Variants in CAMK1D observed in about 807,000 individuals in gnomAD.
CAMK1D encodes calcium/calmodulin-dependent protein kinase type 1D.
CAMK1D carries 9 observed loss-of-function variants against 47.7 expected under a neutral mutation model. That is an observed-to-expected ratio of 0.19 (90% CI 0.11 to 0.33). CAMK1D has a LOEUF of 0.33. Among genes scored for constraint, CAMK1D ranks in the 10% least tolerant of loss-of-function variants. The pLI, the probability that CAMK1D is intolerant of heterozygous loss-of-function variation, is 1.00. For missense variants in CAMK1D, 291 were observed against 488.7 expected (o/e 0.60, Z 3.81); for synonymous variants, 184 against 184.9 (o/e 0.99, Z 0.04).
At chr10:12,356,118 T>C (rs1300826566) in intron 1 of CAMK1D, among the ~76,000 whole-genome samples, 1 of 150,412 alleles carries the variant, frequency 6.6e-6, no homozygotes, top group Admixed American at 6.6e-5. Context: ...GGCGACAGAG[T>C]GAGACTCCGT....
intron 3 of CAMK1D, among the ~76,000 whole-genome samples, chr10:12,672,807 A>T (rs549241531): frequency 6.8e-6 from 1 of 146,764 alleles, no homozygotes; most frequent in South Asian, 2.1e-4. Flanking sequence ...CTCCAACTTT[A>T]GTTTTTTTAT....
intron 1 of CAMK1D, among the ~76,000 whole-genome samples, chr10:12,521,656 C>T (rs764332195): frequency 2.6e-5 from 4 of 152,118 alleles, no homozygotes; most frequent in Non-Finnish European, 4.4e-5. Context: ...TTTCTGTCTG[C>T]TTGTTCTATT....
At chr10:12,442,114 A>G (rs187698302) in intron 1 of CAMK1D, among the ~76,000 whole-genome samples, 1 of 152,234 alleles carries the variant, frequency 6.6e-6, no homozygotes, top group African/African-American at 2.4e-5. Flanking sequence ...ATTCAAATGG[A>G]CCAAAACTCA....
intron 5 of CAMK1D, among the ~76,000 whole-genome samples, chr10:12,774,831 A>G (rs543552545): frequency 7.9e-4 from 120 of 152,376 alleles, no homozygotes; most frequent in Non-Finnish European, 1.6e-3. Context: ...AGACTCTAAT[A>G]ATGCTTGATG....
At chr10:12,668,913 G>GA (rs910009233) in intron 3 of CAMK1D, among the ~76,000 whole-genome samples, 55 of 146,426 alleles carry the variant, frequency 3.8e-4, no homozygotes, top group East Asian at 1.8e-3. Context: ...TTTGTGTTAA[G>GA]AAAAAAAAAA....
chr10:12,779,344 G>A (rs1837394780), intron 5 of CAMK1D, among the ~76,000 whole-genome samples: 1 of 152,200 alleles, frequency 6.6e-6, no homozygotes, highest in African/African-American at 2.4e-5. Context: ...ACATCAGTAG[G>A]AAGTGACAGA....
chr10:12,558,406 TA>T (rs1836832003), intron 2 of CAMK1D, among the ~76,000 whole-genome samples: 2 of 152,084 alleles, frequency 1.3e-5, no homozygotes, highest in African/African-American at 4.8e-5. Flanking sequence ...CTACAAAAAT[TA>T]GCTGAGCGTT....
chr10:12,815,695 TACTC>T (rs1832765429), intron 7 of CAMK1D, among the ~76,000 whole-genome samples: 1 of 152,234 alleles, frequency 6.6e-6, no homozygotes, highest in Admixed American at 6.5e-5. Context: ...GGCTGCCAAC[TACTC>T]CCCCACTTCC....
intron 3 of CAMK1D, among the ~76,000 whole-genome samples, chr10:12,717,890 T>TAAA (rs1834214857): frequency 1.1e-5 from 1 of 94,104 alleles, no homozygotes; most frequent in African/African-American, 4.4e-5. Flanking sequence ...TGAGACCCTG[T>TAAA]CAAAAAAAAA....
chr10:12,552,796 C>T (rs535630959), intron 1 of CAMK1D, among the ~76,000 whole-genome samples: 1 of 152,262 alleles, frequency 6.6e-6, no homozygotes, highest in East Asian at 1.9e-4. Flanking sequence ...GGCTGGAGTG[C>T]AGCGACACGA....
In CAMK1D at chr10:12,768,642, C is replaced by T. The variant is rs11257982; in HGVS notation, c.439-1031C>T. Among the ~76,000 whole-genome samples the T allele has an allele frequency of 2.0e-5, 3 of 151,998 alleles. No homozygotes were observed. The East Asian group carries it at 5.8e-4, about 29-fold the overall frequency. On this transcript the variant is annotated intron_variant, in intron 4 of 10. Transcript: ENST00000619168. ...GAGATGACAGTCCTTGACATCGTCT[C>T]CCCCCGTGATAAATCGTCACCATGA...
intron 1 of CAMK1D, among the ~76,000 whole-genome samples, chr10:12,364,025 A>G (rs970499721): frequency 2.0e-5 from 3 of 152,016 alleles, no homozygotes; most frequent in African/African-American, 7.3e-5. Context: ...AGGAACCGCC[A>G]TACTGTTTTC....
chr10:12,616,111 T>C (rs1400701237), intron 2 of CAMK1D, among the ~76,000 whole-genome samples: 1 of 152,000 alleles, frequency 6.6e-6, no homozygotes, highest in Non-Finnish European at 1.5e-5. Context: ...AGCGTGTGTG[T>C]ATGTGGGTGT....
chr10:12,692,541 T>C (rs958542949), intron 3 of CAMK1D, among the ~76,000 whole-genome samples: 1 of 152,200 alleles, frequency 6.6e-6, no homozygotes, highest in Non-Finnish European at 1.5e-5. Flanking sequence ...CAAAACCCTT[T>C]CTAAGCATGA....
intron 1 of CAMK1D, among the ~76,000 whole-genome samples, chr10:12,454,385 A>G (rs554533090): frequency 1.3e-5 from 2 of 152,144 alleles, no homozygotes; most frequent in South Asian, 2.1e-4. Flanking sequence ...GATGGTCTCA[A>G]TCTCCTGACC....
At position 12,553,237 on chromosome 10, in the gene CAMK1D, C is replaced by G. The variant is rs141516444; in HGVS notation, c.105C>G (p.Ser35=). Residue 35 remains serine, a synonymous_variant, in exon 2 of 11, where the codon TCC becomes TCG. Transcript: ENST00000619168. ...FKETLGTGAF[S]EVVLAEEKAT... is the part of the protein sequence containing the mutation. ...TCTTTGTTCACAGCGGGGCCTTTTC[C>G]GAAGTGGTTTTAGCTGAAGAGAAGG... The G allele has an allele frequency of 4.0e-5, 64 of 1,613,980 alleles. No individual in the cohort carries two copies. Among genetic ancestry groups the G allele is most frequent in the Non-Finnish European group, 5.1e-5 (60 of 1,180,010 alleles).
intron 3 of CAMK1D, among the ~76,000 whole-genome samples, chr10:12,752,892 C>T (rs912593704): frequency 2.6e-5 from 4 of 152,190 alleles, no homozygotes; most frequent in African/African-American, 7.2e-5. Context: ...TCTCCTGTCT[C>T]TTCCACTTGT....
At chr10:12,666,635 T>G (rs375910109) in intron 2 of CAMK1D, 101 bp from the exon 3 acceptor site, 21 of 902,970 alleles carry the variant, frequency 2.3e-5, no homozygotes, top group Middle Eastern at 3.0e-4. Flanking sequence ...GTTCAGGAGT[T>G]TGGATTCTGT....
chr10:12,421,681 A>T (rs1382603999), intron 1 of CAMK1D, among the ~76,000 whole-genome samples: 1 of 151,400 alleles, frequency 6.6e-6, no homozygotes, highest in Non-Finnish European at 1.5e-5. Flanking sequence ...GTGCATCACC[A>T]TGCCTGGCTA....
Sources: gnomAD v4.1 joint callset for allele counts (sites outside exome capture counted in the v4.1 genomes callset) on GRCh38, gnomAD v4.1.1 for gene constraint, MANE v1.5 for transcripts, NCBI Gene and HGNC (gene_info 2026-07-23, HGNC 2026-07-21) for gene names.